The following LARP4B variants were observed in gnomAD, a reference collection of about 807,000 sequenced individuals.
LARP4B encodes la-related protein 4B.
LARP4B carries 12 observed loss-of-function variants against 89.8 expected under a neutral mutation model. The ratio of observed to expected loss-of-function variants is 0.13; its 90% CI spans 0.09 to 0.22. The LOEUF (loss-of-function observed/expected upper bound fraction) is 0.22, where lower values mean the gene tolerates loss of function less well. Among genes scored for constraint, LARP4B ranks in the 10% least tolerant of loss-of-function variants. The pLI, the probability that LARP4B is intolerant of heterozygous loss-of-function variation, is 1.00. For synonymous variants in LARP4B, 367 were observed against 363.3 expected, an observed-to-expected ratio of 1.01 and a Z score of -0.12; for missense variants, 757 against 947.7, an observed-to-expected ratio of 0.80 and a Z score of 2.64.
intron 3 of LARP4B, among the ~76,000 whole-genome samples, chr10:871,313 C>G (rs921282057): frequency 1.3e-5 from 2 of 152,182 alleles, no homozygotes; most frequent in Admixed American, 6.5e-5. Context: ...GTGAAGAGAT[C>G]TGGAGTGACT....
intron 3 of LARP4B, among the ~76,000 whole-genome samples, chr10:882,144 A>G (rs959157391): frequency 1.3e-5 from 2 of 152,176 alleles, no homozygotes; most frequent in East Asian, 3.9e-4. Flanking sequence ...TAAAAGTTCT[A>G]AGACTACATT....
At chr10:807,338 T>C (rs1471407139), downstream of LARP4B, 4 of 152,254 alleles carry the variant, frequency 2.6e-5, no homozygotes, top group Admixed American at 2.6e-4. Context: ...TCACATCCTA[T>C]GTAGTAAACA....
intron 1 of LARP4B, among the ~76,000 whole-genome samples, chr10:914,528 G>A (rs1202932629): frequency 1.3e-5 from 2 of 149,056 alleles, no homozygotes; most frequent in Admixed American, 6.7e-5. Context: ...GAGGCGTGGT[G>A]GCTCGCACCC....
intron 1 of LARP4B, among the ~76,000 whole-genome samples, chr10:926,301 G>A (rs1837131010): frequency 6.6e-6 from 1 of 152,188 alleles, no homozygotes; most frequent in Non-Finnish European, 1.5e-5. Context: ...CAGTCTGGAG[G>A]ACTCCTAAAA....
chr10:982,378 A>G, the LARP4B span, among the ~76,000 whole-genome samples: 18 of 152,168 alleles, frequency 1.2e-4, no homozygotes, highest in African/African-American at 4.1e-4. Flanking sequence ...GGCGTGAGAC[A>G]CTGCGCCCAG....
Position 836,314 on chromosome 10 carries a change from C to T in LARP4B, c.750+89G>A. 5.5e-6 allele frequency: 5 copies of T among 902,984 alleles called. No individual in the cohort carries two copies. The South Asian group carries it at 7.6e-5, about 14-fold the overall frequency. 55.9% of individuals were successfully genotyped at this position (902,984 alleles called of 1,614,324 possible). On this transcript the variant is annotated intron_variant, in intron 8 of 17. Transcript: ENST00000316157. ...GTACTCAGTCTAAAAAACACACAGC[C>T]CAAAAAAACACAAAAGTAAAATAAA...
At chr10:844,630 T>C (rs1030980191) in intron 6 of LARP4B, among the ~76,000 whole-genome samples, 4 of 152,118 alleles carry the variant, frequency 2.6e-5, no homozygotes, top group Non-Finnish European at 5.9e-5. Context: ...GTTATATAAA[T>C]AAAACAACTT....
intron 1 of LARP4B, among the ~76,000 whole-genome samples, chr10:897,987 C>CAAAAAAA (rs58452748): frequency 4.7e-4 from 12 of 25,640 alleles, no homozygotes; most frequent in African/African-American, 1.2e-3. Context: ...GGCTCCATCT[C>CAAAAAAA]AAAAAAAAAA....
chr10:839,516 AAAGG>A (rs1314312080), intron 7 of LARP4B, among the ~76,000 whole-genome samples: 3 of 152,262 alleles, frequency 2.0e-5, no homozygotes, highest in Non-Finnish European at 4.4e-5. Context: ...CAAAGAAGAA[AAAGG>A]AAGGCAAATA....
intron 11 of LARP4B, among the ~76,000 whole-genome samples, chr10:829,121 A>T (rs1832766873): frequency 6.6e-6 from 1 of 152,164 alleles, no homozygotes; most frequent in African/African-American, 2.4e-5. Flanking sequence ...ACACTACAGC[A>T]CTTATCGCCC....
chr10:832,146 C>T (rs957710051), intron 8 of LARP4B, among the ~76,000 whole-genome samples: 1 of 152,228 alleles, frequency 6.6e-6, no homozygotes, highest in Admixed American at 6.5e-5. Context: ...CGGGTTCACG[C>T]CATTCTCCTG....
chr10:856,505 T>C lies in LARP4B; in HGVS notation c.430+7238A>G, dbSNP rs1044550092. 2.6e-5 allele frequency among the ~76,000 whole-genome samples: 4 copies of C among 152,260 alleles called. No homozygotes were observed. In the South Asian group the frequency reaches 6.2e-4, roughly 24 times the overall value. On this transcript the variant is annotated intron_variant, in intron 5 of 17. Coordinates refer to ENST00000316157, the MANE Select transcript of LARP4B (RefSeq NM_015155.3). ...CAAATTGGACAGACAGACAGATAAA[T>C]AGAGAAGCGATCACAACATATGGAG...
intron 3 of LARP4B, among the ~76,000 whole-genome samples, chr10:878,075 A>G (rs972043734): frequency 4.6e-5 from 7 of 152,164 alleles, no homozygotes; most frequent in African/African-American, 1.7e-4. Context: ...TGAGGCAGAG[A>G]GCCCTGCGGT....
At chr10:979,705 C>T in the LARP4B span, among the ~76,000 whole-genome samples, 2 of 152,174 alleles carry the variant, frequency 1.3e-5, no homozygotes, top group Non-Finnish European at 2.9e-5. Context: ...GATGCGGTGG[C>T]TGATGCCTGT....
intron 8 of LARP4B, among the ~76,000 whole-genome samples, chr10:834,647 C>A (rs144657892): frequency 6.6e-6 from 1 of 152,102 alleles, no homozygotes; most frequent in Non-Finnish European, 1.5e-5. Context: ...TAAACCTTCT[C>A]TCTTAAGACT....
intron 9 of LARP4B, among the ~76,000 whole-genome samples, 189 bp downstream of exon 9, chr10:830,678 T>C (rs1832858396): frequency 6.6e-6 from 1 of 152,252 alleles, no homozygotes; most frequent in Non-Finnish European, 1.5e-5. Context: ...ATGCTTTTTA[T>C]ATTGCTATAA....
the LARP4B span, among the ~76,000 whole-genome samples, chr10:982,110 TTCTTTC>T: frequency 6.9e-6 from 1 of 145,816 alleles, no homozygotes; most frequent in African/African-American, 2.5e-5. Context: ...CTTTCTTTCT[TTCTTTC>T]TTTTTTTTTT....
chr10:807,466 TTCTGCA>T (rs1477187106), downstream of LARP4B: 2 of 152,328 alleles, frequency 1.3e-5, no homozygotes, highest in Non-Finnish European at 2.9e-5. Flanking sequence ...TTTGGCTGTC[TTCTGCA>T]TCTGCATCTC....
intron 11 of LARP4B, among the ~76,000 whole-genome samples, chr10:826,991 A>G (rs761626302): frequency 2.0e-5 from 3 of 152,122 alleles, no homozygotes; most frequent in Admixed American, 6.5e-5. Context: ...TACATCACAC[A>G]TGGCCGGGCG....
Sources: gnomAD v4.1 joint callset for allele counts (sites outside exome capture counted in the v4.1 genomes callset) on GRCh38, gnomAD v4.1.1 for gene constraint, MANE v1.5 for transcripts, NCBI Gene and HGNC (gene_info 2026-07-23, HGNC 2026-07-21) for gene names.